Variants in CNTNAP5 observed in about 807,000 individuals in gnomAD.
The protein encoded by CNTNAP5 is contactin-associated protein-like 5.
Under a neutral mutation model 150.2 loss-of-function variants are expected in CNTNAP5, and 72 were observed. That is an observed-to-expected ratio of 0.48 (90% CI 0.40 to 0.58). The LOEUF (loss-of-function observed/expected upper bound fraction) is 0.58, where lower values mean the gene tolerates loss of function less well. CNTNAP5 is among the 20% of genes least tolerant of loss of function. CNTNAP5 has a pLI of 0.00. For missense variants in CNTNAP5, 1,636 were observed against 1,626.2 expected (o/e 1.01, Z -0.10); for synonymous variants, 672 against 619.8 (o/e 1.08, Z -1.25).
chr2:124,721,445 G>T (rs1051857676), intron 13 of CNTNAP5, among the ~76,000 whole-genome samples: 1 of 151,444 alleles, frequency 6.6e-6, no homozygotes, highest in African/African-American at 2.4e-5. Context: ...TCATGCCACT[G>T]CACTCCAGCC....
At chr2:124,350,494 AC>A (rs1254607248) in intron 3 of CNTNAP5, among the ~76,000 whole-genome samples, 6 of 150,918 alleles carry the variant, frequency 4.0e-5, no homozygotes, top group Non-Finnish European at 7.4e-5. Flanking sequence ...GTCAGTTCTT[AC>A]GCCTTCACAT....
chr2:124,377,858 G>C (rs1017880301), intron 3 of CNTNAP5, among the ~76,000 whole-genome samples: 2 of 151,896 alleles, frequency 1.3e-5, no homozygotes, highest in Admixed American at 6.6e-5. Context: ...CTACATATGT[G>C]AACAATGAAG....
intron 19 of CNTNAP5, among the ~76,000 whole-genome samples, chr2:124,844,731 A>T (rs1190048554): frequency 2.0e-5 from 3 of 151,630 alleles, no homozygotes; most frequent in Non-Finnish European, 1.5e-5. Context: ...TTTTTCCACC[A>T]ATGTGAAATG....
chr2:124,632,623 G>T (rs1430613648), intron 12 of CNTNAP5, among the ~76,000 whole-genome samples: 1 of 151,922 alleles, frequency 6.6e-6, no homozygotes, highest in African/African-American at 2.4e-5. Context: ...CTATGTGATG[G>T]GTTGATAGGT....
At chr2:124,361,638 G>A (rs996350009) in intron 3 of CNTNAP5, among the ~76,000 whole-genome samples, 10 of 139,558 alleles carry the variant, frequency 7.2e-5, no homozygotes, top group East Asian at 4.0e-4. Flanking sequence ...AGGGGTCAGG[G>A]ACCCACTTGA....
chr2:124,867,514 T>C (rs148525252), intron 20 of CNTNAP5, among the ~76,000 whole-genome samples: 1 of 152,198 alleles, frequency 6.6e-6, no homozygotes, highest in African/African-American at 2.4e-5. Flanking sequence ...ACAACTGACA[T>C]AGGGATTCCT....
chr2:124,401,370 T>C (rs1469060074), intron 3 of CNTNAP5, among the ~76,000 whole-genome samples: 1 of 152,246 alleles, frequency 6.6e-6, no homozygotes, highest in East Asian at 1.9e-4. Context: ...ATGTTTCTCT[T>C]TGTTTCTGGG....
chr2:124,700,270 C>A (rs1027006714), intron 13 of CNTNAP5, among the ~76,000 whole-genome samples: 3 of 152,138 alleles, frequency 2.0e-5, no homozygotes, highest in Admixed American at 2.0e-4. Context: ...CCTCAATTAA[C>A]AAACATTTGG....
chr2:124,055,280 G>A (rs1681815304), intron 1 of CNTNAP5, among the ~76,000 whole-genome samples: 1 of 152,140 alleles, frequency 6.6e-6, no homozygotes, highest in African/African-American at 2.4e-5. Context: ...ATCTGGTGTG[G>A]AGTTCTTTCC....
chr2:124,364,928 A>C (rs1276114993), intron 3 of CNTNAP5, among the ~76,000 whole-genome samples: 1 of 152,158 alleles, frequency 6.6e-6, no homozygotes, highest in Non-Finnish European at 1.5e-5. Flanking sequence ...CACATAGCAC[A>C]TAGCTGGCAC....
At chr2:124,821,694 C>CTA (rs1682495341) in intron 19 of CNTNAP5, among the ~76,000 whole-genome samples, 1 of 152,094 alleles carries the variant, frequency 6.6e-6, no homozygotes, top group Non-Finnish European at 1.5e-5. Context: ...TTAGGAGAGG[C>CTA]TATAGCAGCC....
chr2:124,347,410 T>C (rs968062837), intron 3 of CNTNAP5, among the ~76,000 whole-genome samples: 2 of 152,118 alleles, frequency 1.3e-5, no homozygotes, highest in East Asian at 3.9e-4. Context: ...AACAGCTCAG[T>C]GCAGACAACA....
intron 5 of CNTNAP5, among the ~76,000 whole-genome samples, chr2:124,436,550 C>G (rs1692535893): frequency 6.6e-6 from 1 of 152,120 alleles, no homozygotes; most frequent in South Asian, 2.1e-4. Context: ...AATGAGTAAA[C>G]ATGGACAAAT....
At chr2:124,232,555 T>C (rs1033056979) in intron 2 of CNTNAP5, among the ~76,000 whole-genome samples, 2 of 152,190 alleles carry the variant, frequency 1.3e-5, no homozygotes, top group Admixed American at 6.5e-5. Context: ...TATAATCCTT[T>C]AGTTCATCTT....
intron 21 of CNTNAP5, among the ~76,000 whole-genome samples, chr2:124,889,395 A>T (rs1301069518): frequency 6.6e-6 from 1 of 151,922 alleles, no homozygotes; most frequent in Non-Finnish European, 1.5e-5. Flanking sequence ...CCAGCCTTAC[A>T]TTTAATCTTT....
chr2:124,124,874 G>A (rs1359480006), intron 1 of CNTNAP5, among the ~76,000 whole-genome samples: 1 of 152,186 alleles, frequency 6.6e-6, no homozygotes, highest in African/African-American at 2.4e-5. Flanking sequence ...GAGAGATTAT[G>A]TCACCACCAG....
At chr2:124,302,044 A>G (rs759230915) in intron 3 of CNTNAP5, among the ~76,000 whole-genome samples, 1 of 152,204 alleles carries the variant, frequency 6.6e-6, no homozygotes, top group Non-Finnish European at 1.5e-5. Context: ...TGGCATACAC[A>G]GAGGAAAGGC....
chr2:124,069,406 TG>T (rs1172328224), intron 1 of CNTNAP5, among the ~76,000 whole-genome samples: 1 of 152,198 alleles, frequency 6.6e-6, no homozygotes, highest in Non-Finnish European at 1.5e-5. Flanking sequence ...GCTTAGGGTC[TG>T]GGGGAACTTG....
At chr2:124,446,423 A>G (rs1489921549) in intron 5 of CNTNAP5, among the ~76,000 whole-genome samples, 4 of 152,148 alleles carry the variant, frequency 2.6e-5, no homozygotes, top group African/African-American at 9.7e-5. Flanking sequence ...TTCAAACTCA[A>G]AGAATATGCA....
Sources: gnomAD v4.1 joint callset for allele counts (sites outside exome capture counted in the v4.1 genomes callset) on GRCh38, gnomAD v4.1.1 for gene constraint, MANE v1.5 for transcripts, NCBI Gene and HGNC (gene_info 2026-07-23, HGNC 2026-07-21) for gene names.